PSME4: variants seen among roughly 807,000 people sequenced by gnomAD.
PSME4 encodes the protein proteasome activator complex subunit 4.
In PSME4, 89 loss-of-function variants were observed where a neutral mutation model predicts 253.9. The ratio of observed to expected loss-of-function variants is 0.35; its 90% confidence interval spans 0.30 to 0.42. The LOEUF is 0.42. Ranked by LOEUF, PSME4 falls within the 10% of genes least tolerant of loss-of-function variation. PSME4 has a pLI of 1.00. For missense variants in PSME4, 2,014 were observed against 2,195.2 expected, an observed-to-expected ratio of 0.92 and a Z score of 1.65; for synonymous variants, 851 against 759.2, an observed-to-expected ratio of 1.12 and a Z score of -1.99.
At chr2:53,891,885 C>T (rs1171112548) in intron 36 of PSME4, among the ~76,000 whole-genome samples, 1 of 149,382 alleles carries the variant, frequency 6.7e-6, no homozygotes, top group Non-Finnish European at 1.5e-5. Context: ...AGAAGACAGA[C>T]AGACAAGGAA....
At position 53,934,396 on chromosome 2, in the gene PSME4, A is replaced by G. The variant is rs367544007; in HGVS notation, c.957+209T>C. 1.7e-4 allele frequency among the ~76,000 whole-genome samples: 26 copies of G among 152,248 alleles called. No homozygotes were observed. In the East Asian group the frequency reaches 2.7e-3, roughly 16 times the overall value. ...CTCAAAACCCTAGATTTTTGACTCT[A>G]TTTATAATGTCCATTGGTTAGGGAG... is the stretch of plus-strand genomic sequence containing the variant. On this transcript the variant is annotated intron_variant, in intron 8 of 46. Coordinates refer to ENST00000404125, the MANE Select transcript of PSME4 (RefSeq NM_014614.3).
At chr2:53,909,877 G>A (rs1223700816) in intron 21 of PSME4, among the ~76,000 whole-genome samples, 198 bp downstream of exon 21, 3 of 152,078 alleles carry the variant, frequency 2.0e-5, no homozygotes, top group Non-Finnish European at 2.9e-5. Flanking sequence ...CAGGAGAATC[G>A]TTTGAATCTG....
chr2:53,891,023 T>C (rs1204757067), intron 36 of PSME4, among the ~76,000 whole-genome samples: 2 of 150,424 alleles, frequency 1.3e-5, no homozygotes, highest in African/African-American at 4.8e-5. Context: ...CAAGACTCCG[T>C]CTAAAAAAAC....
At chr2:53,869,643 G>A in intron 43 of PSME4, 105 bp from the exon 44 acceptor site, 2 of 914,512 alleles carry the variant, frequency 2.2e-6, no homozygotes, top group Non-Finnish European at 3.1e-6. Context: ...CCCTGAAATT[G>A]CATGCAAATT....
intron 20 of PSME4, among the ~76,000 whole-genome samples, chr2:53,913,610 C>T (rs1667926283): frequency 6.6e-6 from 1 of 152,152 alleles, no homozygotes; most frequent in Non-Finnish European, 1.5e-5. Flanking sequence ...ACAAATGTCT[C>T]ACAAGAGACA....
intron 43 of PSME4, among the ~76,000 whole-genome samples, chr2:53,873,717 T>C (rs543921949): frequency 2.0e-5 from 3 of 151,906 alleles, no homozygotes; most frequent in Admixed American, 2.0e-4. Context: ...AGATTTTTAA[T>C]CCCTTTGAAA....
intron 32 of PSME4, 43 bp downstream of exon 32, chr2:53,896,761 G>C (rs772195134): frequency 1.4e-6 from 2 of 1,480,992 alleles, no homozygotes; most frequent in African/African-American, 2.8e-5. Context: ...AATTTTCTGA[G>C]TTTTATTGGA....
Position 53,955,342 on chromosome 2 carries a change from C to T in PSME4, c.243-6059G>A, listed in dbSNP as rs143366250. ...GGATTGTTTTGAATGTGGCCCAACA[C>T]AAATGCATAACTTTCTTAAAACATT... On this transcript the variant is annotated intron_variant, in intron 1 of 46. Transcript: ENST00000404125. Among the ~76,000 whole-genome samples the T allele has an allele frequency of 2.3e-4, 35 of 152,288 alleles. No homozygotes were observed. In the East Asian group the frequency reaches 5.8e-3, roughly 25 times the overall value.
At chr2:53,878,360 G>A (rs558096011) in intron 41 of PSME4, among the ~76,000 whole-genome samples, 9 of 152,142 alleles carry the variant, frequency 5.9e-5, no homozygotes, top group East Asian at 5.8e-4. Flanking sequence ...GATGAATGTC[G>A]CCTCAGGACC....
rs756484220 is a variant in PSME4 at position 53,920,276 on chromosome 2, A to G, written c.2337T>C (p.Phe779=). The G allele has an allele frequency of 4.3e-6, 7 of 1,613,860 alleles. No individual in the cohort carries two copies. The highest frequency in any genetic ancestry group is 5.1e-6 in the Non-Finnish European group (6 of 1,179,916). Residue 779 remains phenylalanine (F), a synonymous_variant, in exon 19 of 47, where the codon TTT becomes TTC. Coordinates refer to ENST00000404125, the MANE Select transcript of PSME4 (RefSeq NM_014614.3). ...WHVPSSEEVS[F]AFYLLDSFLQ... is the part of the protein sequence containing the mutation. ...GAAAGGAGTCCAAAAGATAAAAGGC[A>G]AAAGACACTTCTTCTGAAGAAGGAA... is the stretch of plus-strand genomic sequence containing the variant.
At chr2:53,869,029 T>C (rs1407311005) in intron 44 of PSME4, among the ~76,000 whole-genome samples, 1 of 152,190 alleles carries the variant, frequency 6.6e-6, no homozygotes, top group Non-Finnish European at 1.5e-5. Context: ...TGTTAGTACA[T>C]CTACATTTAA....
chr2:53,893,781 C>A lies in PSME4; in HGVS notation c.3931G>T (p.Asp1311Tyr), dbSNP rs758666599. ...ACAAATTTAGGATCAGAAAAATGAT[C>A]AAATATAATCTGTTCTGCCTATAAA... ...DMTEAEQIIF[D>Y]HFSDPKFVEQ... Residue 1311 changes from aspartate (D) to tyrosine (Y), a missense_variant, in exon 35 of 47, where the codon GAT (aspartate) becomes TAT (tyrosine). Coordinates refer to ENST00000404125, the MANE Select transcript of PSME4 (RefSeq NM_014614.3). 1.2e-6 allele frequency: 2 copies of A among 1,608,060 alleles called. No homozygotes were observed. The highest frequency in any genetic ancestry group is 2.2e-5 in the South Asian group (2 of 90,298).
intron 43 of PSME4, 123 bp from the exon 44 acceptor site, chr2:53,869,661 T>C: frequency 2.8e-6 from 2 of 708,654 alleles, no homozygotes; most frequent in South Asian, 8.5e-5. Flanking sequence ...ATTTTGTGTA[T>C]GCTCTTTGGC....
intron 43 of PSME4, chr2:53,870,582 T>C (rs1236858016): frequency 6.6e-6 from 1 of 151,936 alleles, no homozygotes; most frequent in Admixed American, 6.6e-5. Flanking sequence ...TTCACCGTGT[T>C]AGCCAGGATG....
At chr2:53,880,976 A>C (rs1365181587) in intron 41 of PSME4, among the ~76,000 whole-genome samples, 2 of 152,224 alleles carry the variant, frequency 1.3e-5, no homozygotes, top group African/African-American at 4.8e-5. Context: ...CTGTTGAATC[A>C]GCCGTCTCTC....
chr2:53,915,211 C>G (rs868502202), intron 20 of PSME4, among the ~76,000 whole-genome samples: 34 of 152,228 alleles, frequency 2.2e-4, no homozygotes, highest in African/African-American at 7.7e-4. Context: ...GATGTGGAGA[C>G]AGGCAGATCG....
intron 20 of PSME4, chr2:53,917,311 T>C (rs805325): frequency 0.23 from 36,700 of 156,348 alleles, 4,682 homozygotes; most frequent in South Asian, 0.32. Flanking sequence ...TAATAGTCTG[T>C]ATCATATGGT....
Position 53,920,240 on chromosome 2 carries a change from C to G in PSME4, c.2373G>C (p.Glu791Asp). The G allele has an allele frequency of 6.2e-7, 1 of 1,613,626 alleles. No individual in the cohort carries two copies. The highest frequency in any genetic ancestry group is 8.5e-7 in the Non-Finnish European group (1 of 1,179,700). The change falls in exon 19 of 47, where the codon GAG (glutamate) becomes GAC (aspartate). Residue 791 changes from glutamate (E) to aspartate (D), a missense_variant. Glu to Asp is a conservative substitution (Grantham distance 45, BLOSUM62 2). Coordinates refer to ENST00000404125, the MANE Select transcript of PSME4 (RefSeq NM_014614.3). ...FYLLDSFLQP[E>D]LVKLQHCGDG... The stretch of plus-strand genomic sequence containing the variant: ...CCCCACAATGCTGGAGTTTGACGAG[C>G]TCAGGCTGAAGAAAGGAGTCCAAAA...
At chr2:53,878,606 C>T (rs1017157377) in intron 41 of PSME4, among the ~76,000 whole-genome samples, 23 of 152,306 alleles carry the variant, frequency 1.5e-4, no homozygotes, top group Admixed American at 1.3e-3. Flanking sequence ...GAATGTGTCC[C>T]TAAGGGGAGG....
Sources: allele counts gnomAD v4.1 joint callset (sites outside exome capture counted in the v4.1 genomes callset), GRCh38; gene constraint gnomAD v4.1.1; transcripts MANE v1.5; gene names NCBI Gene and HGNC (gene_info 2026-07-23, HGNC 2026-07-21).